Variants in FAT3 observed in about 807,000 individuals in gnomAD.
The protein encoded by FAT3 is protocadherin Fat 3.
Under a neutral mutation model 310.2 loss-of-function variants are expected in FAT3, and 95 were observed. That is an observed-to-expected ratio of 0.31 (90% CI 0.26 to 0.36). FAT3 has a LOEUF of 0.36. Among genes scored for constraint, FAT3 ranks in the 10% least tolerant of loss-of-function variants. The probability of loss-of-function intolerance (pLI) is 1.00; values close to 1 mark genes in which losing one functional copy is unlikely to be tolerated. For synonymous variants in FAT3, 2,314 were observed against 2,192.9 expected (o/e 1.06, Z -1.54); for missense variants, 5,408 against 5,715.6 (o/e 0.95, Z 1.74).
intron 4 of FAT3, among the ~76,000 whole-genome samples, chr11:92,698,643 C>T (rs1944010382): frequency 6.6e-6 from 1 of 151,912 alleles, no homozygotes; most frequent in African/African-American, 2.4e-5. Context: ...CCTTTTAAAA[C>T]ATTACTATCA....
At chr11:92,872,872 CA>C (rs1204364727) in intron 22 of FAT3, among the ~76,000 whole-genome samples, 1 of 152,198 alleles carries the variant, frequency 6.6e-6, no homozygotes, top group Non-Finnish European at 1.5e-5. Context: ...AAAGTAACTT[CA>C]ACTGTAACAG....
At chr11:92,393,936 G>A (rs1380539404) in intron 2 of FAT3, among the ~76,000 whole-genome samples, 3 of 152,084 alleles carry the variant, frequency 2.0e-5, no homozygotes, top group Non-Finnish European at 4.4e-5. Flanking sequence ...GCTCTTGATT[G>A]CTTTCTAATT....
intron 3 of FAT3, among the ~76,000 whole-genome samples, chr11:92,548,803 G>T (rs1218038032): frequency 6.6e-6 from 1 of 152,068 alleles, no homozygotes; most frequent in Admixed American, 6.5e-5. Context: ...CTTACTAAGT[G>T]AAAAACATAT....
At chr11:92,532,620 T>G (rs1361658834) in intron 3 of FAT3, among the ~76,000 whole-genome samples, 1 of 152,172 alleles carries the variant, frequency 6.6e-6, no homozygotes, top group Non-Finnish European at 1.5e-5. Context: ...TAAGTTATCA[T>G]TTTCTCAACT....
intron 1 of FAT3, among the ~76,000 whole-genome samples, chr11:92,316,399 A>T (rs1157508339): frequency 6.6e-6 from 1 of 152,236 alleles, no homozygotes; most frequent in Non-Finnish European, 1.5e-5. Flanking sequence ...ATGCATATTT[A>T]ACAGTTGCTT....
chr11:92,288,807 A>G (rs921230732), intron 1 of FAT3, among the ~76,000 whole-genome samples: 8 of 152,228 alleles, frequency 5.3e-5, no homozygotes, highest in Admixed American at 6.5e-5. Flanking sequence ...ATTGCTAAAA[A>G]GGAGTATCAT....
Position 92,882,831 on chromosome 11 carries a change from G to T in FAT3, c.12375G>T (p.Thr4125=), listed in dbSNP as rs1448341536. ...NVFGSFLCNC[T]PGYVGQYCGL... ...TCGGCTCCTTCCTCTGCAACTGCAC[G>T]CCGGGCTACGTGGGCCAGTACTGCG... The change falls in exon 24 of 28, where the codon ACG becomes ACT. Residue 4125 remains threonine, a synonymous_variant. Transcript: ENST00000525166. 6.2e-7 allele frequency: 1 copy of T among 1,611,668 alleles called. No individual in the cohort carries two copies. Among genetic ancestry groups the T allele is most frequent in the Non-Finnish European group, 8.5e-7 (1 of 1,179,152 alleles).
chr11:92,474,566 G>C (rs183257585), intron 2 of FAT3, among the ~76,000 whole-genome samples: 6 of 152,174 alleles, frequency 3.9e-5, no homozygotes, highest in African/African-American at 1.4e-4. Context: ...GTGCAGTGTA[G>C]GTGTCAAAAG....
chr11:92,751,968 C>A (rs1421648055), intron 4 of FAT3, among the ~76,000 whole-genome samples: 1 of 151,912 alleles, frequency 6.6e-6, no homozygotes, highest in Non-Finnish European at 1.5e-5. Flanking sequence ...AAGTGACAAT[C>A]GTAGGTAAAT....
At chr11:92,758,309 A>G (rs778942056) in intron 4 of FAT3, among the ~76,000 whole-genome samples, 3 of 152,230 alleles carry the variant, frequency 2.0e-5, no homozygotes, top group Non-Finnish European at 4.4e-5. Flanking sequence ...CTAGAACTAT[A>G]CACATAGTGG....
At chr11:92,641,051 C>G (rs763585152) in intron 3 of FAT3, among the ~76,000 whole-genome samples, 3 of 152,040 alleles carry the variant, frequency 2.0e-5, no homozygotes, top group Non-Finnish European at 2.9e-5. Context: ...ACAGAATTAG[C>G]CAGGCATGAT....
At chr11:92,302,261 T>C (rs1231036715) in intron 1 of FAT3, among the ~76,000 whole-genome samples, 1 of 152,002 alleles carries the variant, frequency 6.6e-6, no homozygotes, top group African/African-American at 2.4e-5. Context: ...TATTCAAACC[T>C]CCCGGTGGTT....
intron 2 of FAT3, among the ~76,000 whole-genome samples, chr11:92,470,188 C>G (rs1451844361): frequency 1.3e-5 from 2 of 152,190 alleles, no homozygotes; most frequent in African/African-American, 2.4e-5. Flanking sequence ...GAAGGAAATT[C>G]TCTCTTCCAT....
intron 1 of FAT3, among the ~76,000 whole-genome samples, chr11:92,229,161 G>GCACA (rs1864041404): frequency 6.6e-6 from 1 of 152,124 alleles, no homozygotes; most frequent in Non-Finnish European, 1.5e-5. Context: ...ATTAAAGGAA[G>GCACA]CACAACTCCT....
At chr11:92,759,571 GAA>G (rs1946092191) in intron 4 of FAT3, among the ~76,000 whole-genome samples, 1 of 152,116 alleles carries the variant, frequency 6.6e-6, no homozygotes, top group African/African-American at 2.4e-5. Context: ...GCTCTCCAAA[GAA>G]AAGAGGACCT....
chr11:92,326,468 C>T (rs1010743929), intron 1 of FAT3, among the ~76,000 whole-genome samples: 6 of 152,228 alleles, frequency 3.9e-5, no homozygotes, highest in African/African-American at 1.4e-4. Flanking sequence ...GTCTGTATTA[C>T]TTATTGGATG....
chr11:92,447,222 C>CGTGTGTGCGT (rs1555049350), intron 2 of FAT3, among the ~76,000 whole-genome samples: 21 of 146,400 alleles, frequency 1.4e-4, no homozygotes, highest in African/African-American at 4.8e-4. Flanking sequence ...TATATGTGTG[C>CGTGTGTGCGT]GTGTGTGTGT....
rs1864079526 is a variant in FAT3 at position 92,229,519 on chromosome 11, T to TTTTTTTTTTTTTTTTG, written c.-18+4349_-18+4350insTTTTTTTTTTTGTTTT. Among the ~76,000 whole-genome samples the TTTTTTTTTTTTTTTTG allele has an allele frequency of 1.5e-5, 2 of 130,822 alleles. 1 individual carries two copies. 85.8% of individuals were successfully genotyped at this position (130,822 alleles called of 152,430 possible). ...TTTTTTTTTTTTTGTTTTTTGTTTT[T>TTTTTTTTTTTTTTTTG]TTTTACATTGCCTCCCTTTCTCCAA... On this transcript the variant is annotated intron_variant, in intron 1 of 27. Coordinates refer to ENST00000525166, the MANE Select transcript of FAT3 (RefSeq NM_001367949.2).
intron 1 of FAT3, among the ~76,000 whole-genome samples, chr11:92,267,900 G>A (rs544248527): frequency 3.3e-5 from 5 of 151,986 alleles, no homozygotes; most frequent in Non-Finnish European, 7.4e-5. Context: ...TTAGGCTCTG[G>A]GGAGTTGGTT....
Sources: gnomAD v4.1 joint callset for allele counts (sites outside exome capture counted in the v4.1 genomes callset) on GRCh38, gnomAD v4.1.1 for gene constraint, MANE v1.5 for transcripts, NCBI Gene and HGNC (gene_info 2026-07-23, HGNC 2026-07-21) for gene names.